The following EIF3H variants were observed in gnomAD, a reference collection of about 807,000 sequenced individuals.
EIF3H encodes eukaryotic translation initiation factor 3 subunit H, also known as eIF-3-gamma.
A neutral mutation model predicts 44.2 loss-of-function variants in EIF3H; 26 were observed. The observed-to-expected ratio is 0.59, with a 90% CI of 0.43 to 0.82. EIF3H has a LOEUF of 0.82. Ranked by LOEUF, EIF3H falls within the 40% of genes least tolerant of loss-of-function variation. The pLI is 0.00. For missense variants in EIF3H, 359 were observed against 432.8 expected (o/e 0.83, Z 1.51); for synonymous variants, 166 against 151.9 (o/e 1.09, Z -0.68).
intron 2 of EIF3H, among the ~76,000 whole-genome samples, chr8:116,674,146 T>C (rs986746398): frequency 1.3e-5 from 2 of 150,468 alleles, no homozygotes; most frequent in African/African-American, 2.4e-5. Context: ...GACTACTTCC[T>C]TCCACAATGA....
chr8:116,646,457 C>A lies in EIF3H; in HGVS notation c.961+14G>T. On this transcript the variant is annotated intron_variant, in intron 7 of 7. Transcript: ENST00000521861. ...CGAACAAAACCAGCCAGGTTTTGCACTGGGCAACAATACCTGCAATGAGCA... is the reference window on the plus strand; with the variant it reads ...CGAACAAAACCAGCCAGGTTTTGCAATGGGCAACAATACCTGCAATGAGCA... 1.2e-6 allele frequency: 2 copies of A among 1,614,110 alleles called. No individual in the cohort carries two copies. The highest frequency in any genetic ancestry group is 8.5e-7 in the Non-Finnish European group (1 of 1,179,992).
Position 116,657,240 on chromosome 8 carries a change from T to C in EIF3H, c.532A>G (p.Lys178Glu). ...GCTTCAGGGGAAAAATCCTTTTCTT[T>C]ACAAACTTCCATCAGTTTAGGAGTC... Reference protein sequence around the residue: ...RLTPKLMEVCKEKDFSPEALK... With the variant: ...RLTPKLMEVCEEKDFSPEALK... The change falls in exon 4 of 8, where the codon AAA becomes GAA. Residue 178 changes from lysine (K) to glutamate (E), a missense_variant. This residue lies in a region of EIF3H where 85 missense variants were observed against 79.2 expected (regional missense o/e 1.07). Transcript: ENST00000521861. 6.2e-7 allele frequency: 1 copy of C among 1,613,750 alleles called. No individual in the cohort carries two copies. Among genetic ancestry groups the C allele is most frequent in the East Asian group, 2.2e-5 (1 of 44,870 alleles).
At chr8:116,749,867 C>T (rs1021262423) in intron 1 of EIF3H, among the ~76,000 whole-genome samples, 2 of 152,256 alleles carry the variant, frequency 1.3e-5, no homozygotes, top group Non-Finnish European at 2.9e-5. Context: ...GGGACTGCTA[C>T]ATTACAGATA....
intron 1 of EIF3H, among the ~76,000 whole-genome samples, chr8:116,741,904 G>A (rs1815139333): frequency 6.6e-6 from 1 of 152,258 alleles, no homozygotes; most frequent in Non-Finnish European, 1.5e-5. Flanking sequence ...GAACAAAGAT[G>A]GTAGTTATTG....
intron 2 of EIF3H, among the ~76,000 whole-genome samples, chr8:116,683,615 C>T (rs902654573): frequency 6.6e-6 from 1 of 152,096 alleles, no homozygotes; most frequent in Non-Finnish European, 1.5e-5. Context: ...GGTGATGGTA[C>T]GTGTGCATGG....
intron 1 of EIF3H, among the ~76,000 whole-genome samples, chr8:116,736,148 G>C (rs1815035309): frequency 6.6e-6 from 1 of 152,202 alleles, no homozygotes; most frequent in Non-Finnish European, 1.5e-5. Context: ...TGACACATAT[G>C]ATTTCATTTA....
intron 1 of EIF3H, among the ~76,000 whole-genome samples, chr8:116,731,774 C>T (rs985807718): frequency 6.6e-6 from 1 of 152,064 alleles, no homozygotes; most frequent in East Asian, 1.9e-4. Flanking sequence ...TGTTAAGAAC[C>T]GATGCTGACT....
chr8:116,743,915 G>A (rs1815184676), intron 1 of EIF3H, among the ~76,000 whole-genome samples: 1 of 151,320 alleles, frequency 6.6e-6, no homozygotes, highest in Non-Finnish European at 1.5e-5. Context: ...TGAGTTTTAG[G>A]ACTACAGCTG....
intron 2 of EIF3H, among the ~76,000 whole-genome samples, chr8:116,714,785 G>C (rs752327761): frequency 2.6e-5 from 4 of 151,932 alleles, no homozygotes; most frequent in Non-Finnish European, 5.9e-5. Context: ...ATACAGATAG[G>C]GGGTAAGACA....
intron 2 of EIF3H, among the ~76,000 whole-genome samples, chr8:116,715,673 G>C (rs1008598342): frequency 1.7e-4 from 26 of 152,066 alleles, no homozygotes; most frequent in Non-Finnish European, 4.4e-5. Context: ...CTGCTGAAAA[G>C]CAAGGCAGTG....
chr8:116,679,196 C>A (rs1484810792), intron 2 of EIF3H, among the ~76,000 whole-genome samples: 1 of 79,432 alleles, frequency 1.3e-5, no homozygotes, highest in Non-Finnish European at 3.0e-5. Context: ...CCCGGCCAGC[C>A]GCCCCGTCCG....
chr8:116,723,478 G>A (rs1211583910), intron 2 of EIF3H, among the ~76,000 whole-genome samples: 2 of 152,124 alleles, frequency 1.3e-5, no homozygotes, highest in Non-Finnish European at 2.9e-5. Flanking sequence ...ATCCAAGTAT[G>A]CTAGTGTTCA....
intron 2 of EIF3H, among the ~76,000 whole-genome samples, chr8:116,711,937 C>A (rs1263118302): frequency 3.4e-5 from 5 of 146,530 alleles, no homozygotes; most frequent in Non-Finnish European, 7.4e-5. Flanking sequence ...TGTAGGTAAG[C>A]AAAGGCCAAA....
chr8:116,764,396 T>G (rs759672496), intron 1 of EIF3H, among the ~76,000 whole-genome samples: 7 of 152,250 alleles, frequency 4.6e-5, no homozygotes, highest in Non-Finnish European at 8.8e-5. Flanking sequence ...TCATTTGGCA[T>G]CTAAACAAAA....
At chr8:116,700,604 C>G (rs192917103) in intron 2 of EIF3H, among the ~76,000 whole-genome samples, 79 of 152,174 alleles carry the variant, frequency 5.2e-4, no homozygotes, top group Non-Finnish European at 8.5e-4. Flanking sequence ...AGACAAAGAT[C>G]AAATGCAAGT....
chr8:116,683,249 TAGACA>T (rs1814020828), intron 2 of EIF3H, among the ~76,000 whole-genome samples: 1 of 152,186 alleles, frequency 6.6e-6, no homozygotes. Flanking sequence ...CAAAACAACA[TAGACA>T]AGGTGGCTTA....
At chr8:116,690,391 C>A (rs1444946293) in intron 2 of EIF3H, among the ~76,000 whole-genome samples, 1 of 151,506 alleles carries the variant, frequency 6.6e-6, no homozygotes, top group Non-Finnish European at 1.5e-5. Flanking sequence ...AAAAAAAAAA[C>A]CCATAAAGTT....
chr8:116,668,273 A>G (rs1406633700), intron 2 of EIF3H, among the ~76,000 whole-genome samples: 1 of 152,244 alleles, frequency 6.6e-6, no homozygotes, highest in Non-Finnish European at 1.5e-5. Context: ...AAATGCCAGT[A>G]TGTAAACAGT....
chr8:116,732,958 A>G (rs1337804546), intron 1 of EIF3H, among the ~76,000 whole-genome samples: 3 of 152,182 alleles, frequency 2.0e-5, no homozygotes, highest in African/African-American at 7.2e-5. Context: ...AGTTAGTGTC[A>G]GATTCCCAAA....
Sources: allele counts gnomAD v4.1 joint callset (sites outside exome capture counted in the v4.1 genomes callset), GRCh38; gene constraint gnomAD v4.1.1; regional missense constraint gnomAD v4.1.1; transcripts MANE v1.5; gene names NCBI Gene and HGNC (gene_info 2026-07-23, HGNC 2026-07-21).